The following DNAH11 variants were observed in gnomAD, a reference collection of about 807,000 sequenced individuals.
DNAH11 encodes the protein dynein axonemal heavy chain 11.
DNAH11 carries 442 observed loss-of-function variants against 526.0 expected under a neutral mutation model. That is an observed-to-expected ratio of 0.84 (90% CI 0.78 to 0.91). The LOEUF is 0.91. Ranked by LOEUF, DNAH11 falls within the 40% of genes least tolerant of loss-of-function variation. DNAH11 has a pLI of 0.00. For missense variants in DNAH11, 6,989 were observed against 5,448.7 expected, an observed-to-expected ratio of 1.28 and a Z score of -8.90; for synonymous variants, 2,461 against 1,935.9, an observed-to-expected ratio of 1.27 and a Z score of -7.12.
intron 54 of DNAH11, among the ~76,000 whole-genome samples, chr7:21,759,150 C>A (rs367828218): frequency 4.7e-4 from 71 of 152,286 alleles, no homozygotes; most frequent in Middle Eastern, 3.4e-3. Context: ...CCTGTCTTTC[C>A]CCTCAGGAAT....
At chr7:21,581,129 G>T (rs1458582808) in intron 8 of DNAH11, among the ~76,000 whole-genome samples, 2 of 152,194 alleles carry the variant, frequency 1.3e-5, no homozygotes, top group Admixed American at 1.3e-4. Flanking sequence ...TTACAGAGGT[G>T]GCAAAGGCCT....
At chr7:21,782,389 C>G (rs1296661247) in intron 57 of DNAH11, among the ~76,000 whole-genome samples, 1 of 152,212 alleles carries the variant, frequency 6.6e-6, no homozygotes, top group African/African-American at 2.4e-5. Context: ...ACTGGCTTAA[C>G]AGCTTACTGA....
At chr7:21,610,381 A>G (rs1016281802) in intron 20 of DNAH11, among the ~76,000 whole-genome samples, 1 of 152,224 alleles carries the variant, frequency 6.6e-6, no homozygotes, top group African/African-American at 2.4e-5. Flanking sequence ...CAGGAAATTG[A>G]AATGGTTACA....
chr7:21,586,848 A>G (rs984531158), intron 9 of DNAH11, among the ~76,000 whole-genome samples: 4 of 152,228 alleles, frequency 2.6e-5, no homozygotes, highest in Admixed American at 2.0e-4. Context: ...TCAGATAACA[A>G]AATGACATAA....
At position 21,779,104 on chromosome 7, in the gene DNAH11, G is replaced by C; in HGVS notation, c.9483G>C (p.Lys3161Asn). The C allele has an allele frequency of 1.9e-6, 3 of 1,611,396 alleles. No homozygotes were observed. The highest frequency in any genetic ancestry group is 1.7e-6 in the Non-Finnish European group (2 of 1,178,070). The change falls in exon 57 of 82, where the codon AAG becomes AAC. Residue 3161 changes from lysine (K) to asparagine (N), a missense_variant and splice_region_variant. Lys to Asn is a moderately conservative substitution (Grantham distance 94, BLOSUM62 0). Coordinates refer to ENST00000409508, the MANE Select transcript of DNAH11 (RefSeq NM_001277115.2). ...EKTIADAEER[K>N]VTAIQTEVFQ... The stretch of plus-strand genomic sequence containing the variant: ...CCATCGCTGATGCTGAGGAGCGAAA[G>C]GTCAGGCTAATTCCAACATTTAGAG...
At chr7:21,581,872 CA>C (rs1784320889) in intron 8 of DNAH11, 32 bp from the exon 9 acceptor site, 1 of 1,373,568 alleles carries the variant, frequency 7.3e-7, no homozygotes, top group East Asian at 2.3e-5. Flanking sequence ...GGATTATTTC[CA>C]ATATACTAAT....
Position 21,805,192 on chromosome 7 carries a change from A to G in DNAH11, c.10166-2691A>G, listed in dbSNP as rs531624533. Among the ~76,000 whole-genome samples the G allele has an allele frequency of 2.0e-5, 3 of 152,296 alleles. No homozygotes were observed. In the East Asian group the frequency reaches 5.8e-4, roughly 29 times the overall value. ...CACACGCACACATACATGCACACAT[A>G]TGCATCTCTATTTTCTCCACTTGCT... On this transcript the variant is annotated intron_variant, in intron 62 of 81. Transcript: ENST00000409508.
At chr7:21,777,032 C>T (rs1385202247) in intron 56 of DNAH11, among the ~76,000 whole-genome samples, 1 of 151,966 alleles carries the variant, frequency 6.6e-6, no homozygotes, top group East Asian at 1.9e-4. Flanking sequence ...CAGAAAACTT[C>T]CATCTACAGA....
chr7:21,559,261 A>G (rs1783347783), intron 3 of DNAH11, among the ~76,000 whole-genome samples: 1 of 152,244 alleles, frequency 6.6e-6, no homozygotes, highest in Admixed American at 6.5e-5. Context: ...TTTTTAAAAT[A>G]AGTGCAGAAA....
intron 14 of DNAH11, among the ~76,000 whole-genome samples, chr7:21,593,923 A>C (rs1000449300): frequency 6.6e-6 from 1 of 151,154 alleles, no homozygotes; most frequent in Non-Finnish European, 1.5e-5. Flanking sequence ...TCTCTCTAAC[A>C]CACACACACT....
At chr7:21,712,658 T>G (rs1475479498) in intron 42 of DNAH11, among the ~76,000 whole-genome samples, 1 of 152,264 alleles carries the variant, frequency 6.6e-6, no homozygotes, top group African/African-American at 2.4e-5. Flanking sequence ...ATTGGCAGTT[T>G]GTATGTCTTC....
At chr7:21,774,706 T>C (rs536325155) in intron 56 of DNAH11, among the ~76,000 whole-genome samples, 72 of 152,314 alleles carry the variant, frequency 4.7e-4, no homozygotes, top group African/African-American at 1.7e-3. Flanking sequence ...CCCAGGTCTG[T>C]GTTGCTCTGA....
intron 35 of DNAH11, among the ~76,000 whole-genome samples, chr7:21,696,420 C>G (rs561366658): frequency 3.5e-4 from 53 of 152,086 alleles, no homozygotes; most frequent in African/African-American, 1.2e-3. Context: ...TTTTTCTTTC[C>G]TCATAACAGC....
At chr7:21,899,664 C>G (rs1486157544) in intron 80 of DNAH11, among the ~76,000 whole-genome samples, 1 of 152,150 alleles carries the variant, frequency 6.6e-6, no homozygotes, top group East Asian at 1.9e-4. Context: ...CAAGAGTAGC[C>G]AAGTGAGGTG....
intron 9 of DNAH11, among the ~76,000 whole-genome samples, chr7:21,585,852 T>A (rs990925770): frequency 6.6e-6 from 1 of 152,300 alleles, no homozygotes; most frequent in Non-Finnish European, 1.5e-5. Context: ...AAGGCAAACC[T>A]TGCAGATCTC....
chr7:21,695,007 A>C (rs1375309522), intron 35 of DNAH11, among the ~76,000 whole-genome samples: 1 of 152,170 alleles, frequency 6.6e-6, no homozygotes, highest in Non-Finnish European at 1.5e-5. Flanking sequence ...CTACAAAGAG[A>C]ATAAAATACC....
chr7:21,723,606 T>C (rs890919892), intron 44 of DNAH11, among the ~76,000 whole-genome samples: 1 of 152,016 alleles, frequency 6.6e-6, no homozygotes, highest in African/African-American at 2.4e-5. Flanking sequence ...TACTCCAGAG[T>C]TGAAAACACT....
chr7:21,737,866 G>A (rs1785684490), intron 46 of DNAH11, among the ~76,000 whole-genome samples: 1 of 152,172 alleles, frequency 6.6e-6, no homozygotes, highest in South Asian at 2.1e-4. Flanking sequence ...GGATGGTAAT[G>A]GCTAGTAAGA....
At chr7:21,739,501 T>C in intron 47 of DNAH11, 70 bp from the exon 48 acceptor site, 1 of 1,165,882 alleles carries the variant, frequency 8.6e-7, no homozygotes, top group African/African-American at 1.5e-5. Context: ...AAGACCTTTA[T>C]GAACTGTTAG....
Sources: allele counts gnomAD v4.1 joint callset (sites outside exome capture counted in the v4.1 genomes callset), GRCh38; gene constraint gnomAD v4.1.1; transcripts MANE v1.5; gene names NCBI Gene and HGNC (gene_info 2026-07-23, HGNC 2026-07-21).